Variants in FHAD1 observed in about 807,000 individuals in gnomAD.
The protein encoded by FHAD1 is forkhead-associated domain-containing protein 1.
In FHAD1, 146 loss-of-function variants were observed where a neutral mutation model predicts 191.3. That is an observed-to-expected ratio of 0.76 (90% CI 0.67 to 0.88). FHAD1 has a LOEUF of 0.88. Among genes scored for constraint, FHAD1 ranks in the 40% least tolerant of loss-of-function variants. The pLI, the probability that FHAD1 is intolerant of heterozygous loss-of-function variation, is 0.00. For missense variants in FHAD1, 1,635 were observed against 1,785.8 expected (o/e 0.92, Z 1.52); for synonymous variants, 616 against 672.3 (o/e 0.92, Z 1.29).
At chr1:15,322,281 G>A (rs1676580637) in intron 10 of FHAD1, among the ~76,000 whole-genome samples, 1 of 152,168 alleles carries the variant, frequency 6.6e-6, no homozygotes, top group Non-Finnish European at 1.5e-5. Context: ...TAATAATGGT[G>A]AAAATGATAG....
At chr1:15,383,233 G>A in intron 31 of FHAD1, 1 of 470,680 alleles carries the variant, frequency 2.1e-6, no homozygotes, top group Non-Finnish European at 4.4e-6. Flanking sequence ...GCTATCTGCT[G>A]TCCACTCTCG....
At position 15,380,620 on chromosome 1, in the gene FHAD1, A is replaced by G; in HGVS notation, c.3706-81A>G. 4 of 1,125,244 alleles carry G rather than the reference A, an allele frequency of 3.6e-6. No individual in the cohort carries two copies. The Admixed American group carries it at 6.2e-5, about 18-fold the overall frequency. 69.7% of individuals were successfully genotyped at this position (1,125,244 alleles called of 1,614,324 possible). A position where few individuals can be genotyped will look rare whatever the true frequency, so the allele number is the denominator to read the frequency against. On this transcript the variant is annotated intron_variant, in intron 28 of 33. Coordinates refer to ENST00000688493, the MANE Select transcript of FHAD1 (RefSeq NM_001391957.1). The stretch of plus-strand genomic sequence containing the variant: ...AACTCTCTTGAGTTAATCTTCGGTA[A>G]TCACACAGTGCTTTAGCTTCCAGTC...
At chr1:15,368,003 AC>A (rs977802933) in intron 25 of FHAD1, among the ~76,000 whole-genome samples, 2 of 150,828 alleles carry the variant, frequency 1.3e-5, no homozygotes, top group African/African-American at 4.9e-5. Flanking sequence ...AATCTCACTC[AC>A]TCTGTTGCCC....
chr1:15,360,959 C>T (rs1229626517), intron 22 of FHAD1, among the ~76,000 whole-genome samples: 3 of 152,274 alleles, frequency 2.0e-5, no homozygotes, highest in East Asian at 1.9e-4. Context: ...CACAGGCTAC[C>T]GGGGCTGTCA....
intron 32 of FHAD1, among the ~76,000 whole-genome samples, chr1:15,389,534 G>A (rs1330381343): frequency 1.3e-5 from 2 of 150,606 alleles, no homozygotes; most frequent in East Asian, 3.9e-4. Context: ...TGAAATGATG[G>A]CTCTCTGCTG....
At chr1:15,319,994 C>T (rs1205396584) in intron 10 of FHAD1, among the ~76,000 whole-genome samples, 1 of 152,186 alleles carries the variant, frequency 6.6e-6, no homozygotes, top group African/African-American at 2.4e-5. Flanking sequence ...TCTGGGCTAT[C>T]AATTTTTCTC....
chr1:15,381,469 T>A lies in FHAD1; in HGVS notation c.4022+18T>A. 1 of 1,542,782 alleles carries A rather than the reference T, an allele frequency of 6.5e-7. No homozygotes were observed. The highest frequency in any genetic ancestry group is 1.9e-4 in the Middle Eastern group (1 of 5,134). On this transcript the variant is annotated intron_variant, in intron 30 of 33. Transcript: ENST00000688493. This position sits in a 1 kb window ranked among gnomAD's most constrained non-coding sequence, Gnocchi z 4.6. The stretch of plus-strand genomic sequence containing the variant: ...CAGCTCAGGTACCTCGGCACCCCCA[T>A]GTCCCCACAGAAAGGCCCGGGCCTC...
chr1:15,383,735 G>T, intron 31 of FHAD1: 2 of 309,144 alleles, frequency 6.5e-6, no homozygotes, highest in Non-Finnish European at 1.3e-5. Context: ...GCTCACCTGA[G>T]CTTTGCAGCC....
At chr1:15,396,720 G>A (rs994868581) in intron 33 of FHAD1, among the ~76,000 whole-genome samples, 1 of 152,014 alleles carries the variant, frequency 6.6e-6, no homozygotes, top group Admixed American at 6.6e-5. Flanking sequence ...TGAGGCAGGA[G>A]AATCACTTGA....
intron 14 of FHAD1, among the ~76,000 whole-genome samples, chr1:15,338,456 TATA>T (rs1319918839): frequency 6.6e-6 from 1 of 152,190 alleles, no homozygotes; most frequent in African/African-American, 2.4e-5. Context: ...TCTGTCTCCT[TATA>T]AGAAGCCATG....
intron 2 of FHAD1, among the ~76,000 whole-genome samples, chr1:15,257,516 C>T (rs949767120): frequency 2.6e-5 from 4 of 152,338 alleles, no homozygotes; most frequent in African/African-American, 7.2e-5. Context: ...CATCAGGACG[C>T]GCCCGTTCAC....
intron 4 of FHAD1, among the ~76,000 whole-genome samples, chr1:15,294,681 C>T (rs916964381): frequency 1.3e-5 from 2 of 152,212 alleles, no homozygotes; most frequent in Admixed American, 6.5e-5. Flanking sequence ...GTGTGAGCCA[C>T]CAGGCCTGGC....
intron 20 of FHAD1, among the ~76,000 whole-genome samples, chr1:15,353,727 G>A (rs1031022625): frequency 0.012 from 1,196 of 95,850 alleles, no homozygotes; most frequent in Middle Eastern, 0.033. Flanking sequence ...AAAAAAAAAA[G>A]AAAAGAAAAA....
intron 20 of FHAD1, among the ~76,000 whole-genome samples, chr1:15,354,513 G>A (rs1363964385): frequency 6.6e-6 from 1 of 152,204 alleles, no homozygotes; most frequent in Non-Finnish European, 1.5e-5. Context: ...GCTGCAGGCT[G>A]TGGGAGAGCC....
rs1362443969 is a variant in FHAD1 at position 15,316,280 on chromosome 1, C to T, written c.1171-98C>T. ...GACTGGATGGAAACAGCAGGAAATG[C>T]TCTCAGGGGCTCACATGGGGCCTTG... On this transcript the variant is annotated intron_variant, in intron 8 of 33. Transcript: ENST00000688493. This position sits in a 1 kb window ranked among gnomAD's most constrained non-coding sequence, Gnocchi z 4.3. 9 of 918,718 alleles carry T rather than the reference C, an allele frequency of 9.8e-6. No homozygotes were observed. The South Asian group carries it at 1.1e-4, about 11-fold the overall frequency. 56.9% of individuals were successfully genotyped at this position (918,718 alleles called of 1,614,324 possible). A position where few individuals can be genotyped will look rare whatever the true frequency, so the allele number is the denominator to read the frequency against.
rs1199424453 is a variant in FHAD1 at position 15,311,338 on chromosome 1, G to A, written c.1040-1719G>A. Among the ~76,000 whole-genome samples, 3 of 152,190 alleles carry A rather than the reference G, an allele frequency of 2.0e-5. No homozygotes were observed. The highest frequency in any genetic ancestry group is 4.8e-5 in the African/African-American group (2 of 41,452). On this transcript the variant is annotated intron_variant, in intron 7 of 33. Coordinates refer to ENST00000688493, the MANE Select transcript of FHAD1 (RefSeq NM_001391957.1). This position sits in a 1 kb window ranked among gnomAD's most constrained non-coding sequence, Gnocchi z 4.1. ...GAGCACGTGCATGTGGGCAGGGAAG[G>A]AACCACCCAGGAGGAGCAGAGGGAA...
intron 10 of FHAD1, among the ~76,000 whole-genome samples, chr1:15,321,015 A>G (rs972449168): frequency 2.6e-5 from 4 of 152,046 alleles, no homozygotes; most frequent in African/African-American, 7.2e-5. Context: ...GCTCACTGCA[A>G]CCTCCACCTC....
intron 18 of FHAD1, among the ~76,000 whole-genome samples, chr1:15,348,135 C>T (rs1689585795): frequency 6.6e-6 from 1 of 152,222 alleles, no homozygotes; most frequent in Non-Finnish European, 1.5e-5. Flanking sequence ...TGTCACTTTT[C>T]TTCTGCTTTA....
At chr1:15,389,201 T>C (rs1230353943) in intron 32 of FHAD1, among the ~76,000 whole-genome samples, 2 of 152,016 alleles carry the variant, frequency 1.3e-5, no homozygotes, top group Non-Finnish European at 2.9e-5. Flanking sequence ...ATCCCAGAAT[T>C]TGGGGAGGCC....
Sources: gnomAD v4.1 joint callset for allele counts (sites outside exome capture counted in the v4.1 genomes callset) on GRCh38, gnomAD v4.1.1 for gene constraint, Gnocchi (gnomAD v3.1) non-coding constraint, MANE v1.5 for transcripts, NCBI Gene and HGNC (gene_info 2026-07-23, HGNC 2026-07-21) for gene names.